ATP8B4: variants seen among roughly 807,000 people sequenced by gnomAD.
The protein encoded by ATP8B4 is probable phospholipid-transporting ATPase IM.
A neutral mutation model predicts 145.6 loss-of-function variants in ATP8B4; 133 were observed. The ratio of observed to expected loss-of-function variants is 0.91; its 90% CI spans 0.79 to 1.05. The LOEUF (loss-of-function observed/expected upper bound fraction) is 1.05. Among genes scored for constraint, ATP8B4 ranks in the 50% least tolerant of loss-of-function variants. The pLI, the probability that ATP8B4 is intolerant of heterozygous loss-of-function variation, is 0.00. For missense variants in ATP8B4, 1,458 were observed against 1,425.2 expected (o/e 1.02, Z -0.37); for synonymous variants, 507 against 492.9 (o/e 1.03, Z -0.38).
intron 3 of ATP8B4, among the ~76,000 whole-genome samples, chr15:50,065,027 C>T (rs2053282039): frequency 1.3e-5 from 2 of 151,982 alleles, no homozygotes; most frequent in African/African-American, 2.4e-5. Flanking sequence ...GATGACAATT[C>T]GACATGAGAT....
At chr15:50,037,526 G>A (rs1448119692) in intron 6 of ATP8B4, among the ~76,000 whole-genome samples, 2 of 152,308 alleles carry the variant, frequency 1.3e-5, no homozygotes, top group East Asian at 3.9e-4. Flanking sequence ...CCTTACAGAG[G>A]AGAAATCCAG....
intron 14 of ATP8B4, among the ~76,000 whole-genome samples, chr15:49,960,033 G>GT (rs34520441): frequency 0.37 from 51,226 of 139,326 alleles, 10,167 homozygotes; most frequent in Non-Finnish European, 0.44. Context: ...AATTTTTTTG[G>GT]TTTTTTTTTT....
chr15:49,901,853 T>C (rs1368287751), intron 20 of ATP8B4: 7 of 413,144 alleles, frequency 1.7e-5, no homozygotes, highest in South Asian at 1.8e-5. Flanking sequence ...GCTTAAAAAA[T>C]AGAATAAATC....
intron 20 of ATP8B4, 28 bp downstream of exon 20, chr15:49,916,906 A>G (rs367913542): frequency 4.6e-4 from 728 of 1,595,042 alleles, no homozygotes; most frequent in Non-Finnish European, 6.0e-4. Flanking sequence ...TCGTCCTTCC[A>G]TCCTTTCCTC....
intron 1 of ATP8B4, among the ~76,000 whole-genome samples, chr15:50,125,442 C>T (rs897914364): frequency 1.3e-5 from 2 of 152,158 alleles, no homozygotes; most frequent in African/African-American, 4.8e-5. Flanking sequence ...GGAGTTCAGG[C>T]TCTTAATCAG....
At chr15:49,958,073 C>T (rs1160593050) in intron 14 of ATP8B4, among the ~76,000 whole-genome samples, 1 of 151,350 alleles carries the variant, frequency 6.6e-6, no homozygotes, top group Non-Finnish European at 1.5e-5. Context: ...CTTTTATTAA[C>T]AGTGCAATAA....
At chr15:50,053,562 T>C (rs2153614297) in intron 3 of ATP8B4, among the ~76,000 whole-genome samples, 1 of 152,346 alleles carries the variant, frequency 6.6e-6, no homozygotes, top group East Asian at 1.9e-4. Context: ...ACAGTTTCCT[T>C]GGATTCTCTT....
At position 49,987,534 on chromosome 15, in the gene ATP8B4, TCA is replaced by T; in HGVS notation, c.603_604del (p.Cys201Ter). On this transcript the variant is annotated stop_gained and frameshift_variant, in exon 10 of 28. Transcript: ENST00000284509. LOFTEE classifies it high-confidence loss of function. ...TTTATCTAACTTGTTGTTAGGCACC[TCA>T]CAGACAACAATCCCTGGAAAATAAA... 1 of 1,613,162 alleles carries T rather than the reference TCA, an allele frequency of 6.2e-7. No homozygotes were observed. Among genetic ancestry groups the T allele is most frequent in the Non-Finnish European group, 8.5e-7 (1 of 1,179,568 alleles).
chr15:49,917,493 C>CA (rs377254121), intron 19 of ATP8B4, among the ~76,000 whole-genome samples: 3,759 of 150,150 alleles, frequency 0.025, 163 homozygotes, highest in African/African-American at 0.086. Flanking sequence ...AGTTGAATGA[C>CA]AAAAAAAAAT....
intron 2 of ATP8B4, among the ~76,000 whole-genome samples, chr15:50,102,735 C>A (rs1194730871): frequency 6.6e-6 from 1 of 150,570 alleles, no homozygotes; most frequent in African/African-American, 2.4e-5. Context: ...CTCCCTAAAT[C>A]ATTCTATGAA....
chr15:49,949,752 G>A (rs1409690882), intron 14 of ATP8B4, among the ~76,000 whole-genome samples: 1 of 151,986 alleles, frequency 6.6e-6, no homozygotes, highest in Non-Finnish European at 1.5e-5. Context: ...GTTTTCAAAG[G>A]GAATGCTTCC....
At chr15:50,131,674 G>C (rs2044049980) in intron 1 of ATP8B4, among the ~76,000 whole-genome samples, 1 of 150,942 alleles carries the variant, frequency 6.6e-6, no homozygotes, top group Non-Finnish European at 1.5e-5. Context: ...TAATATATAA[G>C]CATTGATATA....
At chr15:49,992,508 C>T (rs1391546838) in intron 9 of ATP8B4, among the ~76,000 whole-genome samples, 1 of 152,064 alleles carries the variant, frequency 6.6e-6, no homozygotes, top group Non-Finnish European at 1.5e-5. Flanking sequence ...AATATAGATG[C>T]AAAAGTGAGG....
chr15:49,864,807 C>A (rs777936800), intron 26 of ATP8B4, among the ~76,000 whole-genome samples: 24 of 152,170 alleles, frequency 1.6e-4, no homozygotes, highest in Non-Finnish European at 2.5e-4. Context: ...TACCAGGATA[C>A]ATGCTAAGTG....
At chr15:50,104,650 T>C (rs1162148670) in intron 2 of ATP8B4, among the ~76,000 whole-genome samples, 16 of 152,134 alleles carry the variant, frequency 1.1e-4, no homozygotes, top group Non-Finnish European at 2.9e-5. Flanking sequence ...ACAACCATTA[T>C]GGAAAACAGT....
At chr15:50,087,279 AGAATAATAT>A (rs1429749527) in intron 2 of ATP8B4, among the ~76,000 whole-genome samples, 2 of 136,312 alleles carry the variant, frequency 1.5e-5, no homozygotes, top group African/African-American at 5.4e-5. Flanking sequence ...TATATATAAT[AGAATAATAT>A]ATAGATCTAT....
chr15:49,991,770 T>A (rs1254149775), intron 9 of ATP8B4, among the ~76,000 whole-genome samples: 1 of 152,182 alleles, frequency 6.6e-6, no homozygotes, highest in Non-Finnish European at 1.5e-5. Context: ...TAAACTCTTA[T>A]CAGGGATCCT....
At chr15:49,871,729 G>A (rs1460779800) in intron 25 of ATP8B4, among the ~76,000 whole-genome samples, 1 of 152,166 alleles carries the variant, frequency 6.6e-6, no homozygotes, top group African/African-American at 2.4e-5. Flanking sequence ...GGAATGCAGT[G>A]GCAACCAAAG....
At chr15:49,921,067 G>A (rs1207042040) in intron 17 of ATP8B4, among the ~76,000 whole-genome samples, 1 of 152,200 alleles carries the variant, frequency 6.6e-6, no homozygotes, top group African/African-American at 2.4e-5. Context: ...TATTACTTAA[G>A]GTTATAACAA....
Sources: allele counts gnomAD v4.1 joint callset (sites outside exome capture counted in the v4.1 genomes callset), GRCh38; gene constraint gnomAD v4.1.1; transcripts MANE v1.5; gene names NCBI Gene and HGNC (gene_info 2026-07-23, HGNC 2026-07-21).